OR14A2: variants seen among roughly 807,000 people sequenced by gnomAD.
The protein encoded by OR14A2 is olfactory receptor 14A2.
For synonymous variants in OR14A2, 114 were observed against 58.6 expected (o/e 1.95, Z -4.32); for missense variants, 237 against 152.9 (o/e 1.55, Z -2.90).
the OR14A2 span, among the ~76,000 whole-genome samples, chr1:247,735,074 CT>C: frequency 6.6e-6 from 1 of 152,194 alleles, no homozygotes; most frequent in Non-Finnish European, 1.5e-5. Context: ...GAGGATGCCC[CT>C]GGCATCACTT....
chr1:247,740,182 A>G, the OR14A2 span, among the ~76,000 whole-genome samples: 6 of 152,150 alleles, frequency 3.9e-5, no homozygotes, highest in African/African-American at 1.4e-4. Flanking sequence ...CATTCTCTTC[A>G]GTTAGTTTCT....
the OR14A2 span, among the ~76,000 whole-genome samples, chr1:247,733,162 G>A: frequency 1.3e-5 from 2 of 152,176 alleles, no homozygotes; most frequent in South Asian, 2.1e-4. Context: ...TTATTTCTGT[G>A]GCTTTCGTTC....
chr1:247,728,680 G>C (rs1660447332), upstream of OR14A2, among the ~76,000 whole-genome samples: 1 of 152,074 alleles, frequency 6.6e-6, no homozygotes, highest in Non-Finnish European at 1.5e-5. Context: ...ATAGCTACAA[G>C]ATTTTAAAAA....
At chr1:247,724,338 C>T (rs1257518420), upstream of OR14A2, among the ~76,000 whole-genome samples, 1 of 152,022 alleles carries the variant, frequency 6.6e-6, no homozygotes, top group Non-Finnish European at 1.5e-5. Flanking sequence ...TGTAACTTGA[C>T]TAAACACAGA....
chr1:247,733,570 C>G, the OR14A2 span, among the ~76,000 whole-genome samples: 1 of 152,300 alleles, frequency 6.6e-6, no homozygotes, highest in African/African-American at 2.4e-5. Context: ...AAAGCCCTTT[C>G]TGCCTGACCA....
At chr1:247,724,996 C>G (rs1384763847), upstream of OR14A2, among the ~76,000 whole-genome samples, 5 of 151,658 alleles carry the variant, frequency 3.3e-5, no homozygotes, top group African/African-American at 9.7e-5. Context: ...TATCAGACAT[C>G]AAACTAGATG....
At chr1:247,725,236 T>A (rs1660309327), upstream of OR14A2, among the ~76,000 whole-genome samples, 2 of 152,024 alleles carry the variant, frequency 1.3e-5, no homozygotes, top group South Asian at 4.1e-4. Context: ...GACAAAGATC[T>A]GTAGAGAAGA....
At chr1:247,735,702 C>T in the OR14A2 span, among the ~76,000 whole-genome samples, 1 of 152,270 alleles carries the variant, frequency 6.6e-6, no homozygotes, top group East Asian at 1.9e-4. Flanking sequence ...TCAAGCAGAG[C>T]TTGGAGACTG....
At chr1:247,723,632 C>T in exon 1 of OR14A2, 1 of 718,456 alleles carries the variant, frequency 1.4e-6, no homozygotes, top group South Asian at 1.5e-5. Context: ...AACACACAGA[C>T]TCCAGTATTC....
upstream of OR14A2, among the ~76,000 whole-genome samples, chr1:247,728,431 A>C (rs1406718937): frequency 6.6e-6 from 1 of 152,066 alleles, no homozygotes; most frequent in Non-Finnish European, 1.5e-5. Context: ...TTTCAAAATA[A>C]TAAGAGCTAT....
upstream of OR14A2, among the ~76,000 whole-genome samples, chr1:247,725,508 TA>T (rs1217699677): frequency 2.0e-5 from 3 of 150,700 alleles, no homozygotes; most frequent in South Asian, 2.1e-4. Context: ...TTTATTTATT[TA>T]TTTATTTTTT....
the OR14A2 span, among the ~76,000 whole-genome samples, chr1:247,747,375 T>TTTC: frequency 6.6e-6 from 1 of 151,682 alleles, no homozygotes; most frequent in African/African-American, 2.4e-5. Context: ...TTTTTTTTTT[T>TTTC]TTCTGAGACG....
chr1:247,723,306 G>A, exon 1 of OR14A2: 1 of 717,518 alleles, frequency 1.4e-6, no homozygotes. Context: ...TAAAAACAGT[G>A]AAAACAGTGA....
the OR14A2 span, among the ~76,000 whole-genome samples, chr1:247,747,817 G>A: frequency 1.3e-5 from 2 of 152,084 alleles, no homozygotes; most frequent in Admixed American, 6.6e-5. Context: ...TTTAAGTCTC[G>A]AGACTAGAAA....
upstream of OR14A2, among the ~76,000 whole-genome samples, chr1:247,728,361 C>T (rs1343200652): frequency 8.6e-5 from 13 of 151,888 alleles, no homozygotes; most frequent in Admixed American, 8.5e-4. Flanking sequence ...AAGGCTTTGA[C>T]AAAATTCAAC....
the OR14A2 span, among the ~76,000 whole-genome samples, chr1:247,737,427 G>A: frequency 6.6e-6 from 1 of 152,146 alleles, no homozygotes; most frequent in Admixed American, 6.5e-5. Context: ...AACTTTGGGT[G>A]TTCTTGTTGG....
At chr1:247,737,923 A>G in the OR14A2 span, among the ~76,000 whole-genome samples, 3 of 152,158 alleles carry the variant, frequency 2.0e-5, no homozygotes, top group Non-Finnish European at 2.9e-5. Context: ...TCATCTGGCT[A>G]AGTCTCAGGT....
the OR14A2 span, among the ~76,000 whole-genome samples, chr1:247,739,867 G>A: frequency 3.3e-5 from 5 of 151,788 alleles, no homozygotes; most frequent in Non-Finnish European, 5.9e-5. Flanking sequence ...ATGCAACCAC[G>A]CCCAGCTATT....
chr1:247,744,538 T>C, the OR14A2 span, among the ~76,000 whole-genome samples: 1 of 152,150 alleles, frequency 6.6e-6, no homozygotes, highest in Non-Finnish European at 1.5e-5. The surrounding 1 kb of genome is among the most constrained non-coding windows in gnomAD (Gnocchi z 4.3). Context: ...CTTCTATTTG[T>C]GGGGGTTAAG....
Sources: allele counts gnomAD v4.1 joint callset (sites outside exome capture counted in the v4.1 genomes callset), GRCh38; gene constraint gnomAD v4.1.1; non-coding constraint Gnocchi (gnomAD v3.1); transcripts MANE v1.5; gene names NCBI Gene and HGNC (gene_info 2026-07-23, HGNC 2026-07-21).